The following NELL1 variants were observed in gnomAD, a reference collection of about 807,000 sequenced individuals.
The protein encoded by NELL1 is neural EGFL like 1, also known as protein kinase C-binding protein NELL1.
In NELL1, 76 loss-of-function variants were observed where a neutral mutation model predicts 107.4. The ratio of observed to expected loss-of-function variants is 0.71; its 90% confidence interval spans 0.59 to 0.86. The LOEUF (loss-of-function observed/expected upper bound fraction) is 0.86. Among genes scored for constraint, NELL1 ranks in the 40% least tolerant of loss-of-function variants. The pLI, the probability that NELL1 is intolerant of heterozygous loss-of-function variation, is 0.00. For synonymous variants in NELL1, 353 were observed against 341.2 expected (o/e 1.03, Z -0.38); for missense variants, 1,024 against 1,005.5 (o/e 1.02, Z -0.25).
intron 15 of NELL1, among the ~76,000 whole-genome samples, chr11:21,530,264 A>G (rs1266629664): frequency 1.3e-5 from 2 of 152,178 alleles, no homozygotes; most frequent in Non-Finnish European, 2.9e-5. Flanking sequence ...ATGAAATACG[A>G]AAGTACCTCT....
intron 9 of NELL1, among the ~76,000 whole-genome samples, chr11:20,929,317 C>T (rs1029232996): frequency 1.3e-5 from 2 of 152,170 alleles, no homozygotes; most frequent in Non-Finnish European, 2.9e-5. Context: ...AGTGGTCTAT[C>T]ATTCTGCCAG....
chr11:21,479,552 G>A (rs1054478980), intron 15 of NELL1, among the ~76,000 whole-genome samples: 1 of 152,098 alleles, frequency 6.6e-6, no homozygotes, highest in Non-Finnish European at 1.5e-5. Context: ...AAGGTAGTGG[G>A]TAGGAGGGAA....
chr11:21,007,300 C>A (rs1013440826), intron 12 of NELL1, among the ~76,000 whole-genome samples: 1 of 152,014 alleles, frequency 6.6e-6, no homozygotes, highest in Non-Finnish European at 1.5e-5. Flanking sequence ...TTTTAGTGAT[C>A]TCTCCTCTGC....
In NELL1 at chr11:21,162,822, A is replaced by G. The variant is rs140303552; in HGVS notation, c.1426+49108A>G. Among the ~76,000 whole-genome samples the G allele has an allele frequency of 3.8e-3, 575 of 152,330 alleles. 4 individuals carry two copies. The highest frequency in any genetic ancestry group is 0.013 in the African/African-American group (549 of 41,576). ...TCACTAGTTTATGAATTTGTTCGGT[A>G]TACACTCTTTGTGTAATTATATGTT... On this transcript the variant is annotated intron_variant, in intron 13 of 19. Coordinates refer to ENST00000357134, the MANE Select transcript of NELL1 (RefSeq NM_006157.5).
At chr11:21,020,066 A>G (rs1195210045) in intron 12 of NELL1, among the ~76,000 whole-genome samples, 1 of 152,136 alleles carries the variant, frequency 6.6e-6, no homozygotes, top group African/African-American at 2.4e-5. Flanking sequence ...GCCTTAGCTA[A>G]CTAAACTATA....
intron 13 of NELL1, among the ~76,000 whole-genome samples, chr11:21,120,124 G>A (rs1855331361): frequency 6.6e-6 from 1 of 152,036 alleles, no homozygotes; most frequent in Non-Finnish European, 1.5e-5. Context: ...CTTAAAGGAA[G>A]TTTATGTTTG....
chr11:20,873,404 G>T (rs1015440657), intron 4 of NELL1, among the ~76,000 whole-genome samples: 2 of 151,982 alleles, frequency 1.3e-5, no homozygotes, highest in African/African-American at 4.8e-5. Context: ...TGAGGTTTTT[G>T]GTATTTTGTC....
chr11:21,493,482 G>A lies in NELL1; in HGVS notation c.1646-40892G>A, dbSNP rs80023469. ...CATTATGTTAAGTGAGACAAGCCAG[G>A]CACAGAAAATTAGATACCACATATT... On this transcript the variant is annotated intron_variant, in intron 15 of 19. Transcript: ENST00000357134. 0.02 allele frequency among the ~76,000 whole-genome samples: 3,060 copies of A among 151,762 alleles called. 254 individuals are homozygous for A. In the East Asian group the frequency reaches 0.26, roughly 13 times the overall value.
intron 14 of NELL1, among the ~76,000 whole-genome samples, chr11:21,280,700 A>G (rs111350659): frequency 6.6e-6 from 1 of 152,190 alleles, no homozygotes; most frequent in African/African-American, 2.4e-5. Context: ...AGTTACTGCA[A>G]GCCTCAGCAA....
chr11:21,093,043 G>A (rs1590628723), intron 12 of NELL1, among the ~76,000 whole-genome samples: 1 of 152,172 alleles, frequency 6.6e-6, no homozygotes, highest in East Asian at 1.9e-4. Context: ...GCAGGCAGTG[G>A]AGAGCTACTG....
intron 14 of NELL1, among the ~76,000 whole-genome samples, chr11:21,264,429 C>T (rs1440092473): frequency 2.6e-5 from 4 of 151,754 alleles, no homozygotes; most frequent in African/African-American, 9.7e-5. Flanking sequence ...GAAGGAAGAA[C>T]ATTTGCCAGC....
intron 3 of NELL1, among the ~76,000 whole-genome samples, chr11:20,793,625 G>C (rs186472920): frequency 2.6e-5 from 4 of 152,098 alleles, no homozygotes; most frequent in Admixed American, 6.5e-5. Context: ...ATGTTTCCTT[G>C]TGAATATTGC....
At chr11:20,836,187 C>A (rs1312237043) in intron 3 of NELL1, among the ~76,000 whole-genome samples, 3 of 149,480 alleles carry the variant, frequency 2.0e-5, no homozygotes, top group Non-Finnish European at 4.4e-5. Flanking sequence ...AAGCATATTA[C>A]AATGCTCAAT....
At chr11:20,989,959 T>C (rs1270914019) in intron 12 of NELL1, among the ~76,000 whole-genome samples, 3 of 148,596 alleles carry the variant, frequency 2.0e-5, no homozygotes, top group African/African-American at 7.5e-5. Context: ...ATCGCGCCAC[T>C]GCACTCCAGC....
At chr11:21,494,499 ATGTG>A (rs1482588569) in intron 15 of NELL1, among the ~76,000 whole-genome samples, 1 of 151,912 alleles carries the variant, frequency 6.6e-6, no homozygotes, top group African/African-American at 2.4e-5. Context: ...TAGCACACAC[ATGTG>A]TGTATTTCAA....
rs1896937 is a variant in NELL1 at position 20,788,342 on chromosome 11, T to G, written c.335+4512T>G. 3.5e-3 allele frequency among the ~76,000 whole-genome samples: 526 copies of G among 152,366 alleles called. 4 individuals are homozygous for G. The highest frequency in any genetic ancestry group is 0.012 in the African/African-American group (501 of 41,588). ...AAGCAGCGTTTGAGGGTTTCGATTT[T>G]TCCACATCCTTGTCAACACTAGTTA... On this transcript the variant is annotated intron_variant, in intron 3 of 19. Coordinates refer to ENST00000357134, the MANE Select transcript of NELL1 (RefSeq NM_006157.5).
chr11:21,500,445 T>C (rs1855107099), intron 15 of NELL1, among the ~76,000 whole-genome samples: 1 of 152,154 alleles, frequency 6.6e-6, no homozygotes, highest in Non-Finnish European at 1.5e-5. Context: ...TTGTTAGCTC[T>C]CCGTGCAAGA....
chr11:21,436,434 G>A (rs1029668316), intron 15 of NELL1, among the ~76,000 whole-genome samples: 1 of 151,984 alleles, frequency 6.6e-6, no homozygotes, highest in African/African-American at 2.4e-5. Context: ...TTGGCATATA[G>A]GTGTTCCTAA....
At chr11:21,012,512 C>T (rs1852470537) in intron 12 of NELL1, among the ~76,000 whole-genome samples, 1 of 152,114 alleles carries the variant, frequency 6.6e-6, no homozygotes, top group Admixed American at 6.5e-5. Context: ...ATGAGAACCT[C>T]TTGCCCACTG....
Sources: allele counts gnomAD v4.1 joint callset (sites outside exome capture counted in the v4.1 genomes callset), GRCh38; gene constraint gnomAD v4.1.1; transcripts MANE v1.5; gene names NCBI Gene and HGNC (gene_info 2026-07-23, HGNC 2026-07-21).